The following DNER variants were observed in gnomAD, a reference collection of about 807,000 sequenced individuals.
DNER encodes delta/notch like EGF repeat containing.
Under a neutral mutation model 78.2 loss-of-function variants are expected in DNER, and 33 were observed. The ratio of observed to expected loss-of-function variants is 0.42; its 90% CI spans 0.32 to 0.56. The LOEUF (loss-of-function observed/expected upper bound fraction) is 0.56. Ranked by LOEUF, DNER falls within the 20% of genes least tolerant of loss-of-function variation. DNER has a pLI of 0.11. For missense variants in DNER, 918 were observed against 975.3 expected, an observed-to-expected ratio of 0.94 and a Z score of 0.78; for synonymous variants, 417 against 384.8, an observed-to-expected ratio of 1.08 and a Z score of -0.98.
intron 1 of DNER, among the ~76,000 whole-genome samples, chr2:229,638,516 G>A (rs942507365): frequency 5.3e-5 from 8 of 152,224 alleles, no homozygotes; most frequent in East Asian, 1.9e-4. Context: ...AAAAACATTC[G>A]CTTGGTGCAC....
chr2:229,543,687 C>T (rs1696560900), intron 5 of DNER, among the ~76,000 whole-genome samples: 1 of 152,148 alleles, frequency 6.6e-6, no homozygotes, highest in Admixed American at 6.5e-5. Flanking sequence ...GAAGGCCTGC[C>T]CCTCCTCCAC....
intron 7 of DNER, among the ~76,000 whole-genome samples, chr2:229,473,522 A>C (rs1694968502): frequency 6.6e-6 from 1 of 152,206 alleles, no homozygotes; most frequent in Non-Finnish European, 1.5e-5. Context: ...CCTAGCATAC[A>C]ATACTAATTT....
chr2:229,695,344 G>A (rs1192166418), intron 1 of DNER, among the ~76,000 whole-genome samples: 1 of 152,030 alleles, frequency 6.6e-6, no homozygotes, highest in Non-Finnish European at 1.5e-5. Flanking sequence ...ATAGGGAAAG[G>A]AACCTAGCAT....
chr2:229,695,865 A>G (rs1214929419), intron 1 of DNER, among the ~76,000 whole-genome samples: 1 of 152,200 alleles, frequency 6.6e-6, no homozygotes, highest in Non-Finnish European at 1.5e-5. Context: ...GAAATTGTTT[A>G]TGAGCTTCTC....
Position 229,366,987 on chromosome 2 carries a change from CG to C in DNER, c.1987del (p.Arg663AlafsTer51). On this transcript the variant is annotated frameshift_variant, in exon 12 of 13. Coordinates refer to ENST00000341772, the MANE Select transcript of DNER (RefSeq NM_139072.4). LOFTEE classifies it high-confidence loss of function. ...ACCCTGGTATTCAATGCGGCTGATG[CG>C]GCAAATCCCCACGATCAGGATGATC... ...MLIILIVGIC[R>X]ISRIEYQGSS... 6.2e-7 allele frequency: 1 copy of C among 1,614,056 alleles called. No individual in the cohort carries two copies. Among genetic ancestry groups the C allele is most frequent in the Non-Finnish European group, 8.5e-7 (1 of 1,179,998 alleles).
In DNER at chr2:229,433,194, T is replaced by C. The variant is rs748556043; in HGVS notation, c.1486+14122A>G. Reference sequence around the variant, plus strand: ...ACTATGTGATCCGTCCGCCTTGGCCTCCCAAAGTGCTGGGATTACAGGCGT... The same window carrying C: ...ACTATGTGATCCGTCCGCCTTGGCCCCCCAAAGTGCTGGGATTACAGGCGT... On this transcript the variant is annotated intron_variant, in intron 8 of 12. Coordinates refer to ENST00000341772, the MANE Select transcript of DNER (RefSeq NM_139072.4). Among the ~76,000 whole-genome samples, 14 of 152,322 alleles carry C rather than the reference T, an allele frequency of 9.2e-5. No individual in the cohort carries two copies. The East Asian group carries it at 1.3e-3, about 15-fold the overall frequency.
At chr2:229,599,487 C>T (rs1212099670) in intron 1 of DNER, among the ~76,000 whole-genome samples, 19 of 152,196 alleles carry the variant, frequency 1.2e-4, no homozygotes, top group Admixed American at 1.2e-3. Flanking sequence ...TGTTTAGCAG[C>T]ATGCTGTGTC....
rs1436303145 is a variant in DNER at position 229,714,305 on chromosome 2, G to A, written c.119C>T (p.Ala40Val). 2 of 1,302,800 alleles carry A rather than the reference G, an allele frequency of 1.5e-6. No homozygotes were observed. The highest frequency in any genetic ancestry group is 9.7e-7 in the Non-Finnish European group (1 of 1,030,282). The allele number at this position is 1,302,800 out of a possible 1,614,324, so 80.7% of individuals were successfully genotyped here. Residue 40 changes from alanine to valine, a missense_variant, in exon 1 of 13, where the codon GCG (alanine) becomes GTG (valine). By Grantham distance (64) the Ala-to-Val change is moderately conservative. Transcript: ENST00000341772. ...GSSLANPVPAAPLSAPGPCAA... is the reference protein window; with the variant it reads ...GSSLANPVPAVPLSAPGPCAA... Reference sequence around the variant, plus strand: ...GCACGGCCCGGGCGCAGACAGGGGCGCGGCGGGCACCGGGTTGGCCAGGGA... The same window carrying A: ...GCACGGCCCGGGCGCAGACAGGGGCACGGCGGGCACCGGGTTGGCCAGGGA...
chr2:229,593,000 C>T (rs1697636110), intron 1 of DNER, among the ~76,000 whole-genome samples: 1 of 152,196 alleles, frequency 6.6e-6, no homozygotes, highest in Non-Finnish European at 1.5e-5. Flanking sequence ...CAACAGACTC[C>T]TGAAGGAATA....
intron 8 of DNER, among the ~76,000 whole-genome samples, chr2:229,431,802 GA>G (rs1019429958): frequency 1.8e-4 from 27 of 150,124 alleles, no homozygotes; most frequent in African/African-American, 3.7e-4. Context: ...TAAAAAAAAA[GA>G]AAAAAAAGAT....
At chr2:229,700,284 ATG>A (rs74181354) in intron 1 of DNER, among the ~76,000 whole-genome samples, 3,652 of 36,452 alleles carry the variant, frequency 0.1, 64 homozygotes, top group Non-Finnish European at 0.19. Flanking sequence ...ATGTCAATAT[ATG>A]TGTGTGTGTG....
At chr2:229,369,877 A>G (rs748716948) in intron 11 of DNER, among the ~76,000 whole-genome samples, 2 of 152,124 alleles carry the variant, frequency 1.3e-5, no homozygotes, top group Non-Finnish European at 2.9e-5. Flanking sequence ...GGAAAAAAGG[A>G]TGCTTTCTCT....
intron 5 of DNER, among the ~76,000 whole-genome samples, chr2:229,517,308 A>C (rs998085051): frequency 1.1e-4 from 16 of 152,202 alleles, no homozygotes; most frequent in Non-Finnish European, 2.4e-4. Flanking sequence ...AGTAGCGTTG[A>C]CTGACAATGA....
chr2:229,713,932 C>T (rs73097248), intron 1 of DNER, among the ~76,000 whole-genome samples: 22,480 of 152,140 alleles, frequency 0.15, 1,820 homozygotes, highest in African/African-American at 0.21. Flanking sequence ...CCCGAGAGCC[C>T]GGCTGGCCCC....
At chr2:229,630,443 C>A (rs1559188686) in intron 1 of DNER, among the ~76,000 whole-genome samples, 1 of 150,372 alleles carries the variant, frequency 6.7e-6, no homozygotes, top group Non-Finnish European at 1.5e-5. Context: ...GTCACTGCAC[C>A]CCAGCCTGGG....
intron 5 of DNER, among the ~76,000 whole-genome samples, chr2:229,523,222 A>G: frequency 6.6e-6 from 1 of 152,230 alleles, no homozygotes; most frequent in Non-Finnish European, 1.5e-5. Context: ...CTGGTCCCAG[A>G]GATCTCATGT....
At chr2:229,484,822 C>T (rs1168133265) in intron 6 of DNER, among the ~76,000 whole-genome samples, 1 of 152,176 alleles carries the variant, frequency 6.6e-6, no homozygotes, top group Non-Finnish European at 1.5e-5. Context: ...CTTAGTCCTT[C>T]AGACTATAAA....
At chr2:229,390,956 T>C (rs1282157178) in intron 10 of DNER, among the ~76,000 whole-genome samples, 1 of 152,210 alleles carries the variant, frequency 6.6e-6, no homozygotes, top group Non-Finnish European at 1.5e-5. Context: ...CGCATCTAGT[T>C]GAATCAGTTA....
At chr2:229,503,061 G>A (rs1695653678) in intron 6 of DNER, among the ~76,000 whole-genome samples, 1 of 152,138 alleles carries the variant, frequency 6.6e-6, no homozygotes. Context: ...TCCACTACCT[G>A]ATACAATGGT....
Sources: allele counts gnomAD v4.1 joint callset (sites outside exome capture counted in the v4.1 genomes callset), GRCh38; gene constraint gnomAD v4.1.1; transcripts MANE v1.5; gene names NCBI Gene and HGNC (gene_info 2026-07-23, HGNC 2026-07-21).